The following COL6A5 variants were observed in gnomAD, a reference collection of about 807,000 sequenced individuals.
COL6A5 encodes the protein collagen alpha-5(VI) chain.
Under a neutral mutation model 65.6 loss-of-function variants are expected in COL6A5, and 48 were observed. That is an observed-to-expected ratio of 0.73 (90% CI 0.58 to 0.93). The LOEUF (loss-of-function observed/expected upper bound fraction) is 0.93, where lower values mean the gene tolerates loss of function less well. Among genes scored for constraint, COL6A5 ranks in the 40% least tolerant of loss-of-function variants. The pLI, the probability that COL6A5 is intolerant of heterozygous loss-of-function variation, is 0.00. For synonymous variants in COL6A5, 291 were observed against 322.8 expected (o/e 0.90, Z 1.05); for missense variants, 914 against 928.3 (o/e 0.98, Z 0.20).
chr3:130,451,847 T>C (rs322121), intron 4 of COL6A5, among the ~76,000 whole-genome samples: 107,219 of 151,916 alleles, frequency 0.71, 41,418 homozygotes, highest in Non-Finnish European at 0.88. Flanking sequence ...ATTCAGAAAA[T>C]TGTGGTAACT....
intron 2 of COL6A5, among the ~76,000 whole-genome samples, 173 bp downstream of exon 34, chr3:130,439,788 T>C (rs1709131346): frequency 6.6e-6 from 1 of 152,168 alleles, no homozygotes; most frequent in Non-Finnish European, 1.5e-5. Context: ...GTTTGGAGTT[T>C]CCATAGAATG....
At chr3:130,476,751 T>G in intron 7 of COL6A5, 1 of 484,678 alleles carries the variant, frequency 2.1e-6, no homozygotes, top group Admixed American at 2.5e-5. Flanking sequence ...AAAAGGATTA[T>G]CATCAAGTGT....
chr3:130,394,317 T>A (rs1042578048), intron 7 of COL6A5, among the ~76,000 whole-genome samples: 1 of 152,240 alleles, frequency 6.6e-6, no homozygotes, highest in African/African-American at 2.4e-5. Flanking sequence ...CACTCCATAG[T>A]AACTGTGTGC....
At chr3:130,346,357 A>T (rs2107607126) in intron 1 of COL6A5, among the ~76,000 whole-genome samples, 1 of 152,284 alleles carries the variant, frequency 6.6e-6, no homozygotes, top group Middle Eastern at 3.4e-3. Flanking sequence ...AAAGTTTGAG[A>T]ACCATTGCCT....
chr3:130,418,250 G>T (rs904987819), intron 24 of COL6A5, among the ~76,000 whole-genome samples: 1 of 152,006 alleles, frequency 6.6e-6, no homozygotes, highest in Non-Finnish European at 1.5e-5. Flanking sequence ...AGGTTTCACT[G>T]CTTACCTCCC....
chr3:130,425,067 C>G (rs553304775), intron 29 of COL6A5, among the ~76,000 whole-genome samples: 1 of 152,236 alleles, frequency 6.6e-6, no homozygotes, highest in Non-Finnish European at 1.5e-5. Context: ...TAGCCAGAAA[C>G]TGTTTATCTC....
intron 1 of COL6A5, among the ~76,000 whole-genome samples, chr3:130,436,195 G>A (rs1265046528): frequency 3.3e-5 from 5 of 151,648 alleles, no homozygotes; most frequent in African/African-American, 1.2e-4. Context: ...AATGGATAGA[G>A]TTATTAGTTG....
intron 4 of COL6A5, among the ~76,000 whole-genome samples, chr3:130,454,801 T>C (rs906810422): frequency 6.6e-6 from 1 of 152,140 alleles, no homozygotes; most frequent in African/African-American, 2.4e-5. Flanking sequence ...ATCTGAGATA[T>C]AATATGATTG....
intron 4 of COL6A5, among the ~76,000 whole-genome samples, chr3:130,445,754 G>A (rs1316043015): frequency 6.6e-6 from 1 of 152,092 alleles, no homozygotes; most frequent in Non-Finnish European, 1.5e-5. Context: ...GATGATTCTC[G>A]TTCTCCTGAT....
intron 3 of COL6A5, among the ~76,000 whole-genome samples, chr3:130,378,667 T>C (rs1407577109): frequency 6.6e-6 from 1 of 152,110 alleles, no homozygotes; most frequent in Non-Finnish European, 1.5e-5. Context: ...ACTTCTTGCT[T>C]GTTCCCACCT....
At chr3:130,376,542 C>T (rs781619502) in exon 3 of COL6A5, 2 of 1,605,836 alleles carry the variant, frequency 1.2e-6, no homozygotes, top group East Asian at 2.2e-5. Flanking sequence ...CTTCTCTGCA[C>T]CCATAAATGG....
rs759812702 is a variant in COL6A5 at position 130,440,826 on chromosome 3, G to A, written c.1241+1G>A. On this transcript the variant is annotated splice_donor_variant, in intron 3 of 7. Transcript: ENST00000512836. LOFTEE classifies it high-confidence loss of function. ...AAGCCATTTTTATACTCGGTCAGGC[G>A]TAAGTTATTATTTCATTGTTTGTCT... 1.4e-5 allele frequency: 23 copies of A among 1,601,872 alleles called. No individual in the cohort carries two copies. The highest frequency in any genetic ancestry group is 2.7e-5 in the African/African-American group (2 of 74,600).
At chr3:130,357,086 G>A (rs1934950523) in intron 1 of COL6A5, among the ~76,000 whole-genome samples, 1 of 152,116 alleles carries the variant, frequency 6.6e-6, no homozygotes, top group Non-Finnish European at 1.5e-5. Flanking sequence ...TAATTTACTA[G>A]TTACCATAAT....
At chr3:130,370,196 C>T (rs1054383877) in intron 1 of COL6A5, among the ~76,000 whole-genome samples, 1 of 152,116 alleles carries the variant, frequency 6.6e-6, no homozygotes, top group African/African-American at 2.4e-5. Context: ...CCAAAGGGAC[C>T]CCTACTATTA....
intron 10 of COL6A5, among the ~76,000 whole-genome samples, chr3:130,399,153 T>C (rs1481972469): frequency 6.6e-6 from 1 of 152,220 alleles, no homozygotes; most frequent in Admixed American, 6.5e-5. Context: ...TTCCTTGGTG[T>C]AGCCCAGACT....
chr3:130,376,779 CAGATCATCAAGGATGTAACCA>C (rs746057781), exon 3 of COL6A5: 47 of 1,613,492 alleles, frequency 2.9e-5, no homozygotes, highest in Non-Finnish European at 7.6e-6. Context: ...AAACATGACA[CAGATCATCAAGGATGTAACCA>C]AGTATAAGGA....
chr3:130,459,827 A>T (rs1313980105), intron 5 of COL6A5, among the ~76,000 whole-genome samples: 5 of 151,990 alleles, frequency 3.3e-5, no homozygotes, highest in Non-Finnish European at 7.4e-5. Context: ...TTTTTAATGC[A>T]GAGTATGTTC....
chr3:130,479,424 C>CAA (rs1710181702), intron 7 of COL6A5, among the ~76,000 whole-genome samples: 1 of 149,112 alleles, frequency 6.7e-6, no homozygotes, highest in Non-Finnish European at 1.5e-5. Flanking sequence ...TCAGGCAAAA[C>CAA]AAAAACAAAA....
intron 29 of COL6A5, among the ~76,000 whole-genome samples, chr3:130,424,667 C>T (rs989105145): frequency 6.6e-6 from 1 of 152,044 alleles, no homozygotes; most frequent in Non-Finnish European, 1.5e-5. Context: ...AAGCAAAAAA[C>T]GTGAATGGTT....
Sources: gnomAD v4.1 joint callset for allele counts (sites outside exome capture counted in the v4.1 genomes callset) on GRCh38, gnomAD v4.1.1 for gene constraint, MANE v1.5 for transcripts, NCBI Gene and HGNC (gene_info 2026-07-23, HGNC 2026-07-21) for gene names.